CAB39L: variants seen among roughly 807,000 people sequenced by gnomAD.
CAB39L encodes calcium binding protein 39 like.
Under a neutral mutation model 39.1 loss-of-function variants are expected in CAB39L, and 23 were observed. The ratio of observed to expected loss-of-function variants is 0.59; its 90% confidence interval spans 0.42 to 0.83. CAB39L has a LOEUF of 0.83. Ranked by LOEUF, CAB39L falls within the 40% of genes least tolerant of loss-of-function variation. The probability of loss-of-function intolerance (pLI) is 0.00; values close to 1 mark genes in which losing one functional copy is unlikely to be tolerated. For missense variants in CAB39L, 366 were observed against 391.9 expected, an observed-to-expected ratio of 0.93 and a Z score of 0.56; for synonymous variants, 126 against 137.2, an observed-to-expected ratio of 0.92 and a Z score of 0.57.
chr13:49,392,522 T>C (rs1215534908), intron 3 of CAB39L, among the ~76,000 whole-genome samples: 3 of 152,060 alleles, frequency 2.0e-5, no homozygotes, highest in Admixed American at 6.5e-5. Context: ...ATGCCAGCAA[T>C]CCCAGCTACT....
At position 49,310,581 on chromosome 13, in the gene CAB39L, T is replaced by C. The variant is rs1953954825; in HGVS notation, c.*233A>G. On this transcript the variant is annotated 3_prime_UTR_variant, in exon 11 of 11. Transcript: ENST00000409308. ...AGTTAAAATTGCTTTTATCAACATCTGATACAATGGTTCTCATTTCACATA... is the reference window on the plus strand; with the variant it reads ...AGTTAAAATTGCTTTTATCAACATCCGATACAATGGTTCTCATTTCACATA... 1 of 401,062 alleles carries C rather than the reference T, an allele frequency of 2.5e-6. No individual in the cohort carries two copies. The highest frequency in any genetic ancestry group is 4.4e-6 in the Non-Finnish European group (1 of 225,418). 24.8% of individuals were successfully genotyped at this position (401,062 alleles called of 1,614,324 possible).
chr13:49,385,368 G>A (rs1956335291), intron 3 of CAB39L, among the ~76,000 whole-genome samples: 1 of 152,230 alleles, frequency 6.6e-6, no homozygotes, highest in African/African-American at 2.4e-5. Flanking sequence ...AAGGGAATGT[G>A]TGTCTGGTTT....
chr13:49,316,073 T>G (rs1290293599), intron 10 of CAB39L, among the ~76,000 whole-genome samples: 2 of 151,992 alleles, frequency 1.3e-5, no homozygotes, highest in Non-Finnish European at 2.9e-5. Flanking sequence ...AACCCAAAAG[T>G]TGGTTCTTTG....
intron 7 of CAB39L, among the ~76,000 whole-genome samples, chr13:49,350,136 G>A (rs1244757066): frequency 6.6e-6 from 1 of 152,158 alleles, no homozygotes; most frequent in East Asian, 1.9e-4. Flanking sequence ...CTAACAATGT[G>A]AATATATTGC....
intron 3 of CAB39L, among the ~76,000 whole-genome samples, chr13:49,415,424 G>A (rs1418111582): frequency 6.6e-6 from 1 of 151,582 alleles, no homozygotes; most frequent in East Asian, 1.9e-4. Context: ...AGGAGGCTGA[G>A]GCAGGAGAAT....
chr13:49,323,187 G>A (rs547650077), intron 10 of CAB39L, among the ~76,000 whole-genome samples: 1 of 152,108 alleles, frequency 6.6e-6, no homozygotes, highest in Non-Finnish European at 1.5e-5. Flanking sequence ...CTGATGACAT[G>A]GCCAACCTCA....
At chr13:49,343,955 A>G (rs1184788591) in intron 8 of CAB39L, among the ~76,000 whole-genome samples, 2 of 152,324 alleles carry the variant, frequency 1.3e-5, no homozygotes, top group South Asian at 2.1e-4. Context: ...ATTGAGCTTC[A>G]GAGCACAACA....
intron 10 of CAB39L, among the ~76,000 whole-genome samples, chr13:49,329,543 AAATATATATATATATATATATATATAT>A (rs1457821444): frequency 0.01 from 346 of 33,416 alleles, 41 homozygotes; most frequent in African/African-American, 0.049. Context: ...TTAAAAAAAA[AAATATATATATATATATATATATATAT>A]ATATATATAT....
chr13:49,337,085 T>C (rs1209396020), intron 9 of CAB39L, among the ~76,000 whole-genome samples: 3 of 152,224 alleles, frequency 2.0e-5, no homozygotes, highest in African/African-American at 4.8e-5. Flanking sequence ...AACCAGGTCA[T>C]GGCTGATGCA....
intron 3 of CAB39L, among the ~76,000 whole-genome samples, chr13:49,391,235 C>T (rs376587112): frequency 2.0e-5 from 3 of 152,206 alleles, no homozygotes; most frequent in East Asian, 3.9e-4. Context: ...AAAGATTTTT[C>T]ACCTAGAATT....
chr13:49,368,862 G>A (rs1160287770), intron 5 of CAB39L, among the ~76,000 whole-genome samples: 1 of 152,128 alleles, frequency 6.6e-6, no homozygotes, highest in Non-Finnish European at 1.5e-5. Context: ...TGCTGAAAAA[G>A]AGCATCCCTC....
chr13:49,364,156 G>A (rs1955706701), intron 5 of CAB39L, among the ~76,000 whole-genome samples: 1 of 152,154 alleles, frequency 6.6e-6, no homozygotes, highest in African/African-American at 2.4e-5. Context: ...AAACACTAGA[G>A]CACCCAGATA....
At chr13:49,432,289 C>T (rs546975241) in intron 3 of CAB39L, among the ~76,000 whole-genome samples, 1 of 151,940 alleles carries the variant, frequency 6.6e-6, no homozygotes, top group Non-Finnish European at 1.5e-5. Context: ...GAGGTACGCA[C>T]CACCATACCC....
intron 10 of CAB39L, among the ~76,000 whole-genome samples, chr13:49,325,852 G>A (rs917334974): frequency 6.6e-6 from 1 of 152,098 alleles, no homozygotes. Context: ...AGTAATTCAC[G>A]GTTAGTCCTT....
chr13:49,395,612 TC>T (rs1207077080), intron 3 of CAB39L, among the ~76,000 whole-genome samples: 1 of 152,164 alleles, frequency 6.6e-6, no homozygotes. Context: ...TGGCTCAGAT[TC>T]TGGAGAGAAA....
intron 10 of CAB39L, among the ~76,000 whole-genome samples, chr13:49,317,858 A>G (rs1954207003): frequency 6.6e-6 from 1 of 152,208 alleles, no homozygotes; most frequent in Non-Finnish European, 1.5e-5. Context: ...TTTGCAAATC[A>G]TATATCTGAT....
chr13:49,315,884 CAAAAAAAA>C (rs60700916), intron 10 of CAB39L, among the ~76,000 whole-genome samples: 4 of 120,322 alleles, frequency 3.3e-5, no homozygotes, highest in Non-Finnish European at 6.7e-5. Flanking sequence ...GTCTCCATCT[CAAAAAAAA>C]AAAAAAAGAA....
At chr13:49,312,565 C>T (rs1398704150) in intron 10 of CAB39L, among the ~76,000 whole-genome samples, 1 of 152,210 alleles carries the variant, frequency 6.6e-6, no homozygotes, top group African/African-American at 2.4e-5. Context: ...TGGCAGGCTC[C>T]ACCACCTAGG....
chr13:49,360,392 T>C (rs769950000), intron 5 of CAB39L, among the ~76,000 whole-genome samples: 1 of 152,178 alleles, frequency 6.6e-6, no homozygotes, highest in African/African-American at 2.4e-5. Flanking sequence ...TTGATCTAGG[T>C]GATCATAACA....
Sources: gnomAD v4.1 joint callset for allele counts (sites outside exome capture counted in the v4.1 genomes callset) on GRCh38, gnomAD v4.1.1 for gene constraint, MANE v1.5 for transcripts, NCBI Gene and HGNC (gene_info 2026-07-23, HGNC 2026-07-21) for gene names.